The following HSPA4L variants were observed in gnomAD, a reference collection of about 807,000 sequenced individuals.
HSPA4L encodes heat shock 70 kDa protein 4L.
HSPA4L carries 48 observed loss-of-function variants against 100.3 expected under a neutral mutation model. The observed-to-expected ratio is 0.48, with a 90% CI of 0.38 to 0.61. The LOEUF is 0.61. Ranked by LOEUF, HSPA4L falls within the 20% of genes least tolerant of loss-of-function variation. The pLI is 0.00. For synonymous variants in HSPA4L, 319 were observed against 328.2 expected (o/e 0.97, Z 0.30); for missense variants, 886 against 988.6 (o/e 0.90, Z 1.39).
chr4:127,799,176 C>T (rs1733105483), intron 4 of HSPA4L, among the ~76,000 whole-genome samples: 1 of 152,138 alleles, frequency 6.6e-6, no homozygotes. Flanking sequence ...TACATGTTAA[C>T]TAAATTGATA....
chr4:127,822,582 A>G (rs1733840705), intron 14 of HSPA4L, among the ~76,000 whole-genome samples, 187 bp from the exon 15 acceptor site: 2 of 152,248 alleles, frequency 1.3e-5, no homozygotes, highest in South Asian at 4.1e-4. Context: ...AACGTTTTCC[A>G]TGGTGGCTGC....
At position 127,808,022 on chromosome 4, in the gene HSPA4L, A is replaced by G; in HGVS notation, c.1271A>G (p.His424Arg). ...SGECEVFCKN[H>R]PAPFSKVITF... ...GAATGTGAAGTTTTCTGTAAGAACC[A>G]TCCTGCCCCATTCTCAAAAGTCATT... The change falls in exon 11 of 19, where the codon CAT becomes CGT. Residue 424 changes from histidine (H) to arginine (R), a missense_variant. By Grantham distance (29) the His-to-Arg change is conservative. Transcript: ENST00000296464. 1.2e-6 allele frequency: 2 copies of G among 1,612,606 alleles called. No individual in the cohort carries two copies. The highest frequency in any genetic ancestry group is 2.2e-5 in the South Asian group (2 of 90,684).
Position 127,808,075 on chromosome 4 carries a change from C to G in HSPA4L, c.1324C>G (p.Leu442Val), listed in dbSNP as rs770544743. 3 of 1,612,484 alleles carry G rather than the reference C, an allele frequency of 1.9e-6. No homozygotes were observed. Among genetic ancestry groups the G allele is most frequent in the Non-Finnish European group, 2.5e-6 (3 of 1,178,946 alleles). Residue 442 changes from leucine to valine, a missense_variant, in exon 11 of 19, where the codon CTA becomes GTA. Transcript: ENST00000296464. ...ITFHKKEPFE[L>V]EAFYTNLHEV... ...TTTCCACAAGAAGGAACCATTTGAACTAGAAGCATTTTATACTAATTTACA... is the reference window on the plus strand; with the variant it reads ...TTTCCACAAGAAGGAACCATTTGAAGTAGAAGCATTTTATACTAATTTACA...
intron 1 of HSPA4L, among the ~76,000 whole-genome samples, chr4:127,785,905 C>A (rs1413405058): frequency 6.6e-6 from 1 of 152,154 alleles, no homozygotes; most frequent in Non-Finnish European, 1.5e-5. Flanking sequence ...TTTGATCCTT[C>A]AAGTAAATTC....
rs1393483757 is a variant in HSPA4L at position 127,824,256 on chromosome 4, AG to A, written c.2046+633del. 1.1e-4 allele frequency among the ~76,000 whole-genome samples: 17 copies of A among 152,298 alleles called. 1 individual carries two copies. In the East Asian group the frequency reaches 3.3e-3, roughly 29 times the overall value. On this transcript the variant is annotated intron_variant, in intron 16 of 18. Transcript: ENST00000296464. ...TCCATCATTTCACTGATGGACACTT[AG>A]ATTGAGTCTCTATTTTGGCTATTGT...
chr4:127,784,454 G>T (rs1489488733), intron 1 of HSPA4L, among the ~76,000 whole-genome samples: 1 of 152,168 alleles, frequency 6.6e-6, no homozygotes, highest in Non-Finnish European at 1.5e-5. Flanking sequence ...AGGCATATTC[G>T]CTGGTTCTGT....
Position 127,835,747 on chromosome 4 carries a change from C to G in HSPA4L, c.*2873C>G, listed in dbSNP as rs1183234441. The G allele has an allele frequency of 6.6e-6, 1 of 150,910 alleles. No individual in the cohort carries two copies. The highest frequency in any genetic ancestry group is 1.5e-5 in the Non-Finnish European group (1 of 67,798). 9.3% of individuals were successfully genotyped at this position (150,910 alleles called of 1,614,324 possible). ...TTCCAAAAAACTAGAAAGAGCACAG[C>G]AAAGAATTTGGCTATTGAAATAACA... On this transcript the variant is annotated 3_prime_UTR_variant, in exon 19 of 19. Transcript: ENST00000296464.
At chr4:127,814,215 C>A (rs1300643681) in intron 12 of HSPA4L, among the ~76,000 whole-genome samples, 3 of 152,088 alleles carry the variant, frequency 2.0e-5, no homozygotes, top group Admixed American at 2.0e-4. Flanking sequence ...CAGAGACTTA[C>A]CTGCTTATGA....
chr4:127,834,480 T>C lies in HSPA4L; in HGVS notation c.*1606T>C, dbSNP rs1479873460. 2.2e-4 allele frequency: 33 copies of C among 152,168 alleles called. No homozygotes were observed. Among genetic ancestry groups the C allele is most frequent in the Admixed American group, 2.2e-3 (33 of 15,276 alleles). The allele number at this position is 152,168 out of a possible 1,614,324, so 9.4% of individuals were successfully genotyped here. A position where few individuals can be genotyped will look rare whatever the true frequency, so the allele number is the denominator to read the frequency against. Reference sequence around the variant, plus strand: ...GCATTTTGCAGGGATTTTTATTCCGTCTTTTGAGGGGAAGAATCTCTTTTT... The same window carrying C: ...GCATTTTGCAGGGATTTTTATTCCGCCTTTTGAGGGGAAGAATCTCTTTTT... On this transcript the variant is annotated 3_prime_UTR_variant, in exon 19 of 19. Transcript: ENST00000296464.
At chr4:127,817,213 G>A (rs1733690345) in intron 12 of HSPA4L, among the ~76,000 whole-genome samples, 3 of 152,158 alleles carry the variant, frequency 2.0e-5, no homozygotes, top group Admixed American at 2.0e-4. Flanking sequence ...TTACAGGCGT[G>A]CACCACCATG....
intron 1 of HSPA4L, chr4:127,783,760 C>A: frequency 1.6e-6 from 2 of 1,273,028 alleles, no homozygotes; most frequent in Admixed American, 2.1e-5. Flanking sequence ...GGTCAGTGTC[C>A]AATGGTCTTT....
chr4:127,803,644 T>TAA lies in HSPA4L; in HGVS notation c.679_680insAA (p.Phe227Ter). The TAA allele has an allele frequency of 6.2e-7, 1 of 1,613,284 alleles. No individual in the cohort carries two copies. Residue 227 changes from phenylalanine (F) to a stop codon, truncating the protein, a stop_gained and frameshift_variant, in exon 7 of 19, where the codon TTT becomes TAATT. Coordinates refer to ENST00000296464, the MANE Select transcript of HSPA4L (RefSeq NM_014278.4). LOFTEE classifies it high-confidence loss of function. The stretch of plus-strand genomic sequence containing the variant: ...AATTAAACAGGTCTTGGCTACTACC[T>TAA]TTGATCCATATTTGGGTGGCAGGAA... ...KGKLKVLATT[F>*]DPYLGGRNFD...
Position 127,811,620 on chromosome 4 carries a change from A to G in HSPA4L, c.1562A>G (p.Glu521Gly). The change falls in exon 12 of 19, where the codon GAA (glutamate) becomes GGA (glycine). Residue 521 changes from glutamate to glycine, a missense_variant. By Grantham distance (98) the Glu-to-Gly change is moderately conservative. Coordinates refer to ENST00000296464, the MANE Select transcript of HSPA4L (RefSeq NM_014278.4). ...PMETETSFKN[E>G]NKDNMDKMQV... ...GAGACAGAAACTTCATTTAAAAATG[A>G]AAACAAAGATAATATGGTATGTAGA... 6.2e-7 allele frequency: 1 copy of G among 1,611,924 alleles called. No homozygotes were observed. The highest frequency in any genetic ancestry group is 8.5e-7 in the Non-Finnish European group (1 of 1,178,912).
At chr4:127,831,501 T>TAAAAAA (rs770152039) in intron 18 of HSPA4L, among the ~76,000 whole-genome samples, 1 of 103,422 alleles carries the variant, frequency 9.7e-6, no homozygotes. Context: ...CCTTGTCTAT[T>TAAAAAA]AAAAAAAAAA....
chr4:127,827,313 C>A lies in HSPA4L; in HGVS notation c.2055C>A (p.Gly685=), dbSNP rs1418956937. The change falls in exon 17 of 19, where the codon GGC becomes GGA. Residue 685 remains glycine (G), a synonymous_variant. Transcript: ENST00000296464. The part of the protein sequence containing the change: ...VDKLQELKKY[G]QPIQMKYMEH... ...ATTTCTTATGTTAACAGAAATACGG[C>A]CAGCCTATTCAAATGAAGTACATGG... 7 of 1,607,886 alleles carry A rather than the reference C, an allele frequency of 4.4e-6. No individual in the cohort carries two copies. Among genetic ancestry groups the A allele is most frequent in the Non-Finnish European group, 5.9e-6 (7 of 1,177,582 alleles).
chr4:127,826,532 CAGTTAAT>C lies in HSPA4L; in HGVS notation c.2047-769_2047-763del, dbSNP rs1262210197. Among the ~76,000 whole-genome samples the C allele has an allele frequency of 2.0e-5, 3 of 152,240 alleles. No individual in the cohort carries two copies. In the South Asian group the frequency reaches 6.2e-4, roughly 32 times the overall value. ...TGAACTCTGAATAAAGACTGTAGTC[CAGTTAAT>C]AGTAATGCTCCAGTGGTAGTTTCTT... On this transcript the variant is annotated intron_variant, in intron 16 of 18. Transcript: ENST00000296464.
rs558171750 is a variant in HSPA4L at position 127,834,419 on chromosome 4, A to G, written c.*1545A>G. 2 of 152,298 alleles carry G rather than the reference A, an allele frequency of 1.3e-5. No homozygotes were observed. The highest frequency in any genetic ancestry group is 2.1e-4 in the South Asian group (1 of 4,832). 9.4% of individuals were successfully genotyped at this position (152,298 alleles called of 1,614,324 possible). ...TCTCTACGAGAGATTTTGTTTCTAC[A>G]ATGTAGTCAGCACTTAATGGAGAGT... On this transcript the variant is annotated 3_prime_UTR_variant, in exon 19 of 19. Transcript: ENST00000296464.
At chr4:127,815,463 T>TTCCC (rs1225483797) in intron 12 of HSPA4L, among the ~76,000 whole-genome samples, 2 of 152,042 alleles carry the variant, frequency 1.3e-5, no homozygotes, top group East Asian at 3.9e-4. Flanking sequence ...GGGCTGGAGT[T>TTCCC]TGAGTCCAGC....
intron 1 of HSPA4L, among the ~76,000 whole-genome samples, chr4:127,793,662 A>G (rs75803174): frequency 2.4e-4 from 37 of 152,346 alleles, no homozygotes; most frequent in African/African-American, 6.0e-4. Context: ...TATTATCACA[A>G]TCTTCCAGAC....
Sources: allele counts gnomAD v4.1 joint callset (sites outside exome capture counted in the v4.1 genomes callset), GRCh38; gene constraint gnomAD v4.1.1; transcripts MANE v1.5; gene names NCBI Gene and HGNC (gene_info 2026-07-23, HGNC 2026-07-21).